Variants in FHIT observed in about 807,000 individuals in gnomAD.
FHIT encodes the protein bis(5'-adenosyl)-triphosphatase.
A neutral mutation model predicts 17.9 loss-of-function variants in FHIT; 19 were observed. The ratio of observed to expected loss-of-function variants is 1.06; its 90% CI spans 0.74 to 1.56. FHIT has a LOEUF of 1.56. FHIT is among the 40% of genes most tolerant of loss of function. The pLI is 0.00. For missense variants in FHIT, 248 were observed against 189.2 expected (o/e 1.31, Z -1.82); for synonymous variants, 81 against 69.7 (o/e 1.16, Z -0.81).
intron 5 of FHIT, among the ~76,000 whole-genome samples, chr3:60,403,762 C>T (rs1031327607): frequency 2.0e-5 from 3 of 152,158 alleles, no homozygotes; most frequent in African/African-American, 7.2e-5. Context: ...TTCTATATGG[C>T]TCTCTGTACT....
At chr3:60,353,022 A>G (rs1277384075) in intron 5 of FHIT, among the ~76,000 whole-genome samples, 1 of 152,190 alleles carries the variant, frequency 6.6e-6, no homozygotes, top group Non-Finnish European at 1.5e-5. Flanking sequence ...CAGTTGATCA[A>G]TTGATTTGTT....
At chr3:61,048,157 G>A (rs1183812478) in intron 2 of FHIT, among the ~76,000 whole-genome samples, 1 of 152,068 alleles carries the variant, frequency 6.6e-6, no homozygotes, top group African/African-American at 2.4e-5. Context: ...CTTCTGCACA[G>A]CAAAAGAAAC....
intron 2 of FHIT, among the ~76,000 whole-genome samples, chr3:61,153,809 C>G (rs2037460919): frequency 1.3e-5 from 2 of 152,050 alleles, no homozygotes; most frequent in Non-Finnish European, 2.9e-5. Flanking sequence ...GCCTAGGCCT[C>G]GAGGTATGTT....
At chr3:59,912,723 G>A (rs1048365666) in intron 8 of FHIT, among the ~76,000 whole-genome samples, 5 of 152,128 alleles carry the variant, frequency 3.3e-5, no homozygotes, top group East Asian at 1.9e-4. Context: ...TTACATTTCC[G>A]TGCAAAGGGA....
intron 3 of FHIT, among the ~76,000 whole-genome samples, chr3:60,826,900 CT>C (rs1553741207): frequency 6.6e-6 from 1 of 152,144 alleles, no homozygotes. Flanking sequence ...TTGATTAGTT[CT>C]TCAGCAGATT....
intron 4 of FHIT, among the ~76,000 whole-genome samples, chr3:60,714,686 T>G (rs1312313510): frequency 1.3e-5 from 2 of 152,190 alleles, no homozygotes; most frequent in Admixed American, 6.5e-5. Flanking sequence ...CATTCACAAC[T>G]GCTTCAAAGA....
chr3:60,267,248 G>A (rs1706627594), intron 5 of FHIT, among the ~76,000 whole-genome samples: 1 of 151,534 alleles, frequency 6.6e-6, no homozygotes, highest in African/African-American at 2.4e-5. Flanking sequence ...GGAGAGGAAG[G>A]AGGGACAATG....
rs571770543 is a variant in FHIT at position 60,421,383 on chromosome 3, G to A, written c.103+115477C>T. 1.3e-4 allele frequency among the ~76,000 whole-genome samples: 20 copies of A among 152,106 alleles called. No individual in the cohort carries two copies. In the East Asian group the frequency reaches 3.3e-3, roughly 25 times the overall value. On this transcript the variant is annotated intron_variant, in intron 5 of 9. Coordinates refer to ENST00000492590, the MANE Select transcript of FHIT (RefSeq NM_002012.4). Reference sequence around the variant, plus strand: ...TTATCGATTGAAATTTAGTTCAATCGATAAACATTTTAGCATACTTGGGTT... The same window carrying A: ...TTATCGATTGAAATTTAGTTCAATCAATAAACATTTTAGCATACTTGGGTT...
intron 5 of FHIT, among the ~76,000 whole-genome samples, chr3:60,212,101 T>G (rs560475652): frequency 1.3e-5 from 2 of 152,330 alleles, no homozygotes; most frequent in African/African-American, 4.8e-5. Flanking sequence ...CCTACTTGTT[T>G]TAAGCTGCTG....
At chr3:60,578,343 A>G (rs1449868567) in intron 4 of FHIT, among the ~76,000 whole-genome samples, 1 of 151,742 alleles carries the variant, frequency 6.6e-6, no homozygotes, top group East Asian at 2.0e-4. Context: ...AGGCTGACGC[A>G]GGAGAATCAC....
intron 8 of FHIT, among the ~76,000 whole-genome samples, chr3:59,831,590 G>C (rs1701166152): frequency 6.6e-6 from 1 of 152,000 alleles, no homozygotes. Flanking sequence ...TAATGACTTA[G>C]CCTCATGCGA....
chr3:59,779,720 T>A (rs1702486239), intron 8 of FHIT, among the ~76,000 whole-genome samples: 3 of 152,190 alleles, frequency 2.0e-5, no homozygotes, highest in Non-Finnish European at 4.4e-5. Flanking sequence ...TCTCTCCCCA[T>A]GGGACCAATC....
intron 2 of FHIT, among the ~76,000 whole-genome samples, chr3:61,060,250 T>C (rs972135667): frequency 6.6e-6 from 1 of 152,232 alleles, no homozygotes; most frequent in Non-Finnish European, 1.5e-5. Context: ...ACCAGAAATA[T>C]GCCATAGGAA....
intron 2 of FHIT, among the ~76,000 whole-genome samples, chr3:61,189,687 T>G (rs2038649739): frequency 6.6e-6 from 1 of 152,106 alleles, no homozygotes; most frequent in Non-Finnish European, 1.5e-5. Flanking sequence ...CAAACTATAC[T>G]ACAAGGCTAC....
At chr3:59,934,217 CA>C (rs1254032363) in intron 7 of FHIT, among the ~76,000 whole-genome samples, 1 of 152,004 alleles carries the variant, frequency 6.6e-6, no homozygotes, top group East Asian at 1.9e-4. Context: ...AGATATAATC[CA>C]AATTATTATC....
At chr3:60,840,310 T>G (rs1575586797) in intron 3 of FHIT, among the ~76,000 whole-genome samples, 1 of 152,332 alleles carries the variant, frequency 6.6e-6, no homozygotes, top group Non-Finnish European at 1.5e-5. Flanking sequence ...ACATCTTTCA[T>G]GATGTATCTT....
intron 5 of FHIT, among the ~76,000 whole-genome samples, chr3:60,296,997 C>A (rs1452904004): frequency 1.3e-5 from 2 of 150,290 alleles, no homozygotes; most frequent in African/African-American, 4.9e-5. Flanking sequence ...TTGCATTTAT[C>A]TATGTGTCTA....
chr3:60,587,281 C>T (rs1456524864), intron 4 of FHIT, among the ~76,000 whole-genome samples: 1 of 152,024 alleles, frequency 6.6e-6, no homozygotes, highest in Non-Finnish European at 1.5e-5. Context: ...TGTTCTCACT[C>T]ATAAGTGGGA....
chr3:60,325,786 T>A (rs2106826640), intron 5 of FHIT, among the ~76,000 whole-genome samples: 1 of 152,342 alleles, frequency 6.6e-6, no homozygotes, highest in South Asian at 2.1e-4. Flanking sequence ...AGCAGGGCAT[T>A]TACTGTAGTG....
Sources: allele counts gnomAD v4.1 joint callset (sites outside exome capture counted in the v4.1 genomes callset), GRCh38; gene constraint gnomAD v4.1.1; transcripts MANE v1.5; gene names NCBI Gene and HGNC (gene_info 2026-07-23, HGNC 2026-07-21).